The following SLC51A variants were observed in gnomAD, a reference collection of about 807,000 sequenced individuals.
The protein encoded by SLC51A is solute carrier family 51 member A.
SLC51A carries 22 observed loss-of-function variants against 34.8 expected under a neutral mutation model. The observed-to-expected ratio is 0.63, with a 90% CI of 0.45 to 0.90. The LOEUF is 0.90. Among genes scored for constraint, SLC51A ranks in the 40% least tolerant of loss-of-function variants. The pLI is 0.00. For missense variants in SLC51A, 371 were observed against 414.8 expected (o/e 0.89, Z 0.92); for synonymous variants, 181 against 176.3 (o/e 1.03, Z -0.21).
chr3:196,232,277 G>A (rs2108757722), intron 7 of SLC51A, 142 bp from the exon 8 acceptor site: 2 of 596,338 alleles, frequency 3.4e-6, no homozygotes, highest in South Asian at 4.2e-5. Context: ...TGAAGTGAGA[G>A]CCTCAACCCT....
chr3:196,220,636 C>T (rs1361602279), intron 2 of SLC51A, among the ~76,000 whole-genome samples: 3 of 152,024 alleles, frequency 2.0e-5, no homozygotes, highest in Non-Finnish European at 2.9e-5. Flanking sequence ...AATGAGAGGT[C>T]GTTGCCCCGG....
In SLC51A at chr3:196,233,119, A is replaced by G. The variant is rs755100520; in HGVS notation, c.943A>G (p.Met315Val). Residue 315 changes from methionine to valine, a missense_variant, in exon 9 of 9, where the codon ATG becomes GTG. Physicochemically the swap from Met to Val is conservative, Grantham distance 21. Transcript: ENST00000296327. The stretch of plus-strand genomic sequence containing the variant: ...TTTTCTAATGACTGTGCTGACACGA[A>G]TGTACTACCGAAGGAAAGACCACAA... ...ETFLMTVLTRMYYRRKDHKVG... is the reference protein window; with the variant it reads ...ETFLMTVLTRVYYRRKDHKVG... The G allele has an allele frequency of 3.7e-6, 6 of 1,614,232 alleles. No homozygotes were observed. Among genetic ancestry groups the G allele is most frequent in the African/African-American group, 2.7e-5 (2 of 75,062 alleles).
Position 196,216,724 on chromosome 3 carries a change from C to T in SLC51A, c.12C>T (p.Gly4=). Residue 4 remains glycine (G), a synonymous_variant, in exon 1 of 9, where the codon GGC becomes GGT. Transcript: ENST00000296327. The surrounding 1 kb of genome is among the most constrained non-coding windows in gnomAD (Gnocchi z 4.5). MEP[G]RTQIKLDPRY... ...GAGAGAACGCGGCGATGGAGCCGGG[C>T]AGGACCCAGATAAAGCTTGACCCCA... 1 of 1,576,346 alleles carries T rather than the reference C, an allele frequency of 6.3e-7. No individual in the cohort carries two copies. The highest frequency in any genetic ancestry group is 1.2e-5 in the South Asian group (1 of 86,218).
chr3:196,223,857 C>CTTTTTTTT, intron 2 of SLC51A: 12 of 333,464 alleles, frequency 3.6e-5, no homozygotes, highest in Admixed American at 8.8e-5. Context: ...TTTTTAATGC[C>CTTTTTTTT]TTTTTTTTTT....
Position 196,228,112 on chromosome 3 carries a change from C to T in SLC51A, c.363-3C>T. On this transcript the variant is annotated splice_polypyrimidine_tract_variant and splice_region_variant and intron_variant, in intron 4 of 8. Transcript: ENST00000296327. This position sits in a 1 kb window ranked among gnomAD's most constrained non-coding sequence, Gnocchi z 4.9. ...CGTAGGCCCTCTTCTCTCCCCACCC[C>T]AGGTTTTATGCCGTGTGCTTTTACC... 1 of 1,612,546 alleles carries T rather than the reference C, an allele frequency of 6.2e-7. No homozygotes were observed. The highest frequency in any genetic ancestry group is 1.3e-5 in the African/African-American group (1 of 75,038).
rs1723579173 is a variant in SLC51A at position 196,216,587 on chromosome 3, A to G, written c.-126A>G. 2.1e-6 allele frequency: 2 copies of G among 935,034 alleles called. No homozygotes were observed. The highest frequency in any genetic ancestry group is 3.4e-6 in the Non-Finnish European group (2 of 596,596). 57.9% of individuals were successfully genotyped at this position (935,034 alleles called of 1,614,324 possible). On this transcript the variant is annotated 5_prime_UTR_variant, in exon 1 of 9. Transcript: ENST00000296327. The surrounding 1 kb of genome is among the most constrained non-coding windows in gnomAD (Gnocchi z 4.5). ...AGGAGGGAGAGCGGCAGAGGGGAAG[A>G]CTCTGCAATTCTGCTTGCCCCCCAC...
intron 2 of SLC51A, among the ~76,000 whole-genome samples, chr3:196,220,973 C>T (rs1723742503): frequency 6.6e-6 from 1 of 151,524 alleles, no homozygotes; most frequent in Non-Finnish European, 1.5e-5. Context: ...TACCCCAACC[C>T]TCCACCTGCT....
intron 6 of SLC51A, among the ~76,000 whole-genome samples, chr3:196,229,336 G>C (rs1407706987): frequency 6.6e-6 from 1 of 151,936 alleles, no homozygotes; most frequent in Non-Finnish European, 1.5e-5. Flanking sequence ...CTTGAAGCCA[G>C]GAGTTTGCGA....
Position 196,227,067 on chromosome 3 carries a change from C to A in SLC51A, c.236C>A (p.Thr79Asn), listed in dbSNP as rs766510225. The A allele has an allele frequency of 1.2e-6, 2 of 1,614,058 alleles. No individual in the cohort carries two copies. Among genetic ancestry groups the A allele is most frequent in the African/African-American group, 1.3e-5 (1 of 74,936 alleles). Residue 79 changes from threonine (T) to asparagine (N), a missense_variant, in exon 3 of 9, where the codon ACC (threonine) becomes AAC (asparagine). By Grantham distance (65) the Thr-to-Asn change is moderately conservative. Coordinates refer to ENST00000296327, the MANE Select transcript of SLC51A (RefSeq NM_152672.6). ...LEDAVYLYKNTLCPIKRRTLL... is the reference protein window; with the variant it reads ...LEDAVYLYKNNLCPIKRRTLL... ...GATGCCGTCTACCTGTACAAGAACA[C>A]CCTTTGCCCCATCAAGAGGCGGACT...
rs774574705 is a variant in SLC51A, at chr3:196,228,758, C to A, written c.522-51C>A. On this transcript the variant is annotated intron_variant, in intron 5 of 8. Coordinates refer to ENST00000296327, the MANE Select transcript of SLC51A (RefSeq NM_152672.6). This position sits in a 1 kb window ranked among gnomAD's most constrained non-coding sequence, Gnocchi z 4.9. The stretch of plus-strand genomic sequence containing the variant: ...CCCTGTGAGGAGCCGGGGCGTCTTC[C>A]TGGGGCAGGGGGTTTGTGGGCCCAT... 6.5e-7 allele frequency: 1 copy of A among 1,535,488 alleles called. No individual in the cohort carries two copies. The highest frequency in any genetic ancestry group is 1.1e-5 in the South Asian group (1 of 89,500).
chr3:196,218,923 C>G (rs996895772), intron 2 of SLC51A, among the ~76,000 whole-genome samples: 1 of 151,830 alleles, frequency 6.6e-6, no homozygotes, highest in Non-Finnish European at 1.5e-5. Context: ...TACTGAATTA[C>G]TTTTGAAAGT....
chr3:196,229,534 C>A (rs1008637031), intron 6 of SLC51A, among the ~76,000 whole-genome samples: 6 of 151,754 alleles, frequency 4.0e-5, no homozygotes, highest in Non-Finnish European at 8.8e-5. Flanking sequence ...TGCACCACCA[C>A]CCCCGGCTAA....
rs1723955694 is a variant in SLC51A, at chr3:196,228,677, C to T, written c.522-132C>T. 6.8e-6 allele frequency: 5 copies of T among 739,650 alleles called. No homozygotes were observed. The highest frequency in any genetic ancestry group is 4.4e-5 in the Admixed American group (2 of 44,978). The allele number at this position is 739,650 out of a possible 1,614,324, so 45.8% of individuals were successfully genotyped here. On this transcript the variant is annotated intron_variant, in intron 5 of 8. Coordinates refer to ENST00000296327, the MANE Select transcript of SLC51A (RefSeq NM_152672.6). This position sits in a 1 kb window ranked among gnomAD's most constrained non-coding sequence, Gnocchi z 4.9. Reference sequence around the variant, plus strand: ...CAACATTCTGCTTTTTTCCTCTGTCCCCATCCACTTAACCTGGTTGGTGTT... The same window carrying T: ...CAACATTCTGCTTTTTTCCTCTGTCTCCATCCACTTAACCTGGTTGGTGTT...
Position 196,228,485 on chromosome 3 carries a change from C to A in SLC51A, c.521+212C>A. On this transcript the variant is annotated intron_variant, in intron 5 of 8. Transcript: ENST00000296327. This position sits in a 1 kb window ranked among gnomAD's most constrained non-coding sequence, Gnocchi z 4.9. ...CAATTGTCATCACTGAACTTCACTG[C>A]ACCCTGCAAGCCTTAGCCACACAGA... 1.5e-6 allele frequency: 1 copy of A among 645,710 alleles called. No homozygotes were observed. The highest frequency in any genetic ancestry group is 2.0e-5 in the South Asian group (1 of 49,640). 40.0% of individuals were successfully genotyped at this position (645,710 alleles called of 1,614,324 possible). A position where few individuals can be genotyped will look rare whatever the true frequency, so the allele number is the denominator to read the frequency against.
chr3:196,217,097 G>C (rs1723604933), intron 1 of SLC51A, among the ~76,000 whole-genome samples: 1 of 152,224 alleles, frequency 6.6e-6, no homozygotes, highest in Non-Finnish European at 1.5e-5. Context: ...TCTCTGGTCA[G>C]TCCCTGGGCT....
At chr3:196,229,689 T>TGAAAAAAAAAA (rs535000501) in intron 6 of SLC51A, among the ~76,000 whole-genome samples, 2 of 135,596 alleles carry the variant, frequency 1.5e-5, no homozygotes, top group Non-Finnish European at 3.1e-5. Flanking sequence ...TCTCTATTAT[T>TGAAAAAAAAAA]AAAAAAAAAA....
intron 2 of SLC51A, among the ~76,000 whole-genome samples, chr3:196,219,409 T>C (rs535149047): frequency 6.6e-6 from 1 of 152,226 alleles, no homozygotes; most frequent in South Asian, 2.1e-4. Context: ...TCTGAAATGT[T>C]GGATACAAGT....
intron 7 of SLC51A, among the ~76,000 whole-genome samples, chr3:196,230,541 G>C (rs1724005945): frequency 6.9e-6 from 1 of 145,580 alleles, no homozygotes; most frequent in Non-Finnish European, 1.5e-5. Flanking sequence ...ACAGAGTCTT[G>C]GTCTGTTGCC....
At chr3:196,227,411 G>GTTC in intron 3 of SLC51A, 1 of 591,332 alleles carries the variant, frequency 1.7e-6, no homozygotes, top group Non-Finnish European at 3.0e-6. Flanking sequence ...TCCTTCAGTG[G>GTTC]TTCCTCAGAG....
Sources: gnomAD v4.1 joint callset for allele counts (sites outside exome capture counted in the v4.1 genomes callset) on GRCh38, gnomAD v4.1.1 for gene constraint, Gnocchi (gnomAD v3.1) non-coding constraint, MANE v1.5 for transcripts, NCBI Gene and HGNC (gene_info 2026-07-23, HGNC 2026-07-21) for gene names.